Variants in SGMS2 observed in about 807,000 individuals in gnomAD.
SGMS2 encodes the protein phosphatidylcholine:ceramide cholinephosphotransferase 2.
SGMS2 carries 21 observed loss-of-function variants against 43.8 expected under a neutral mutation model. The observed-to-expected ratio is 0.48, with a 90% CI of 0.34 to 0.69. SGMS2 has a LOEUF of 0.69. Ranked by LOEUF, SGMS2 falls within the 30% of genes least tolerant of loss-of-function variation. SGMS2 has a pLI of 0.01. For synonymous variants in SGMS2, 167 were observed against 160.6 expected (o/e 1.04, Z -0.30); for missense variants, 384 against 443.2 (o/e 0.87, Z 1.20).
intron 1 of SGMS2, among the ~76,000 whole-genome samples, chr4:107,826,487 G>A (rs1725596485): frequency 6.6e-6 from 1 of 152,184 alleles, no homozygotes; most frequent in Non-Finnish European, 1.5e-5. Context: ...AGCAATGGCT[G>A]AAAGTGACAA....
intron 1 of SGMS2, among the ~76,000 whole-genome samples, chr4:107,847,188 C>A (rs1321285829): frequency 2.6e-5 from 4 of 151,736 alleles, no homozygotes; most frequent in Non-Finnish European, 5.9e-5. Context: ...AGTCCTTGCC[C>A]ATGCCTATGT....
rs1730588901 is a variant in SGMS2, at chr4:107,895,489, A to G, written c.-65A>G. 1 of 1,497,330 alleles carries G rather than the reference A, an allele frequency of 6.7e-7. No individual in the cohort carries two copies. Among genetic ancestry groups the G allele is most frequent in the African/African-American group, 1.4e-5 (1 of 71,032 alleles). 92.8% of individuals were successfully genotyped at this position (1,497,330 alleles called of 1,614,324 possible). On this transcript the variant is annotated 5_prime_UTR_variant, in exon 3 of 7. Transcript: ENST00000690982. ...ATCTTGGAAATAGAAGGATTGAAAA[A>G]AGCTAAATTTCCACAAAGAACAAGA...
At chr4:107,832,878 A>G (rs1725967748) in intron 1 of SGMS2, among the ~76,000 whole-genome samples, 1 of 152,080 alleles carries the variant, frequency 6.6e-6, no homozygotes, top group Non-Finnish European at 1.5e-5. Context: ...AAACACAAAA[A>G]TTAGCCAGGT....
At chr4:107,832,128 A>C (rs1034798734) in intron 1 of SGMS2, among the ~76,000 whole-genome samples, 2 of 152,184 alleles carry the variant, frequency 1.3e-5, no homozygotes, top group African/African-American at 4.8e-5. Context: ...CGAGTTGTTG[A>C]ACCACCCAGT....
chr4:107,894,979 G>A (rs1730544717), intron 2 of SGMS2, among the ~76,000 whole-genome samples: 1 of 152,110 alleles, frequency 6.6e-6, no homozygotes, highest in African/African-American at 2.4e-5. Context: ...AGCTTATTAT[G>A]ACTTCATGGT....
At chr4:107,882,546 T>C (rs968553578) in intron 2 of SGMS2, among the ~76,000 whole-genome samples, 6 of 152,212 alleles carry the variant, frequency 3.9e-5, no homozygotes, top group African/African-American at 1.2e-4. Flanking sequence ...TCTCCCATTC[T>C]GTGGGTTGTC....
At chr4:107,906,346 T>C (rs1467452120) in intron 5 of SGMS2, among the ~76,000 whole-genome samples, 5 of 152,132 alleles carry the variant, frequency 3.3e-5, no homozygotes, top group Non-Finnish European at 7.4e-5. Context: ...CTTCATACAG[T>C]CGTGCAAATA....
intron 2 of SGMS2, chr4:107,893,243 C>T (rs1227880707): frequency 1.3e-5 from 2 of 152,062 alleles, no homozygotes; most frequent in East Asian, 1.9e-4. Flanking sequence ...CGAGTAGCTA[C>T]CTTATAAAGA....
chr4:107,902,338 A>G (rs1291906569), intron 4 of SGMS2, among the ~76,000 whole-genome samples: 4 of 150,654 alleles, frequency 2.7e-5, no homozygotes, highest in Non-Finnish European at 2.9e-5. Flanking sequence ...ATTCTATTAC[A>G]TGATTTTTTT....
intron 4 of SGMS2, among the ~76,000 whole-genome samples, chr4:107,900,676 T>C (rs1179250885): frequency 6.6e-6 from 1 of 152,018 alleles, no homozygotes; most frequent in African/African-American, 2.4e-5. Flanking sequence ...GTTTACAAAA[T>C]GGAAAATTAC....
intron 2 of SGMS2, among the ~76,000 whole-genome samples, chr4:107,880,365 G>C (rs1729242788): frequency 6.6e-6 from 1 of 152,094 alleles, no homozygotes; most frequent in Non-Finnish European, 1.5e-5. Context: ...AGAAATACAT[G>C]GTAACTTTTT....
chr4:107,865,306 T>A (rs920524647), intron 2 of SGMS2, among the ~76,000 whole-genome samples: 2 of 152,238 alleles, frequency 1.3e-5, no homozygotes, highest in Non-Finnish European at 2.9e-5. Flanking sequence ...GCTAATCTTT[T>A]ACGAGAGAGG....
intron 2 of SGMS2, among the ~76,000 whole-genome samples, chr4:107,887,344 G>A (rs770604166): frequency 1.3e-5 from 2 of 152,106 alleles, no homozygotes; most frequent in Non-Finnish European, 2.9e-5. Flanking sequence ...GACACAATTG[G>A]AAAGAAATTT....
intron 1 of SGMS2, among the ~76,000 whole-genome samples, chr4:107,845,838 A>G (rs546783171): frequency 1.0e-3 from 155 of 152,316 alleles, no homozygotes; most frequent in African/African-American, 3.6e-3. Flanking sequence ...GCCATTTGTT[A>G]TATAAAGCTT....
chr4:107,865,902 C>T (rs1435841555), intron 2 of SGMS2, among the ~76,000 whole-genome samples: 1 of 152,078 alleles, frequency 6.6e-6, no homozygotes, highest in African/African-American at 2.4e-5. Flanking sequence ...TTTCATGTGG[C>T]TTATTCTGAC....
chr4:107,878,489 A>G (rs1247634735), intron 2 of SGMS2, among the ~76,000 whole-genome samples: 1 of 152,070 alleles, frequency 6.6e-6, no homozygotes, highest in African/African-American at 2.4e-5. Context: ...CTAGTCTTTG[A>G]CCTTGTTTTA....
chr4:107,845,825 C>A (rs748207832), intron 1 of SGMS2, among the ~76,000 whole-genome samples: 7 of 152,210 alleles, frequency 4.6e-5, no homozygotes, highest in Middle Eastern at 3.4e-3. Context: ...TAAGGCGTGT[C>A]CTGCCATTTG....
intron 1 of SGMS2, among the ~76,000 whole-genome samples, chr4:107,840,042 C>T (rs746981510): frequency 1.8e-4 from 27 of 152,236 alleles, no homozygotes; most frequent in Middle Eastern, 3.4e-3. Flanking sequence ...TATGGTCACC[C>T]TACTTAAAGA....
chr4:107,910,035 C>G (rs2126167348), intron 6 of SGMS2, among the ~76,000 whole-genome samples: 1 of 152,116 alleles, frequency 6.6e-6, no homozygotes, highest in Admixed American at 6.6e-5. Flanking sequence ...ACTTGCTTGG[C>G]CCCTAGATTT....
Sources: allele counts gnomAD v4.1 joint callset (sites outside exome capture counted in the v4.1 genomes callset), GRCh38; gene constraint gnomAD v4.1.1; transcripts MANE v1.5; gene names NCBI Gene and HGNC (gene_info 2026-07-23, HGNC 2026-07-21).